Variants in CTNNA3 observed in about 807,000 individuals in gnomAD.
CTNNA3 encodes the protein catenin alpha-3.
In CTNNA3, 76 loss-of-function variants were observed where a neutral mutation model predicts 95.7. The ratio of observed to expected loss-of-function variants is 0.79; its 90% confidence interval spans 0.66 to 0.96. CTNNA3 has a LOEUF of 0.96. Ranked by LOEUF, CTNNA3 falls within the 40% of genes least tolerant of loss-of-function variation. The probability of loss-of-function intolerance (pLI) is 0.00; values close to 1 mark genes in which losing one functional copy is unlikely to be tolerated. For synonymous variants in CTNNA3, 431 were observed against 374.4 expected, an observed-to-expected ratio of 1.15 and a Z score of -1.74; for missense variants, 1,191 against 1,089.8, an observed-to-expected ratio of 1.09 and a Z score of -1.31.
At chr10:67,592,750 A>G (rs1842826934) in intron 3 of CTNNA3, among the ~76,000 whole-genome samples, 1 of 152,208 alleles carries the variant, frequency 6.6e-6, no homozygotes, top group Non-Finnish European at 1.5e-5. Context: ...AAGATAGAAT[A>G]CATATGACTA....
At chr10:66,866,480 T>C (rs1844183881) in intron 7 of CTNNA3, among the ~76,000 whole-genome samples, 1 of 152,212 alleles carries the variant, frequency 6.6e-6, no homozygotes, top group South Asian at 2.1e-4. Flanking sequence ...AATAAGTAAT[T>C]GTCTCCTCAT....
At chr10:67,739,360 T>C (rs1841321757) in intron 1 of CTNNA3, among the ~76,000 whole-genome samples, 1 of 152,092 alleles carries the variant, frequency 6.6e-6, no homozygotes, top group African/African-American at 2.4e-5. Context: ...AAAGAGGAAG[T>C]TAAATTGTCC....
intron 7 of CTNNA3, among the ~76,000 whole-genome samples, chr10:66,936,657 C>T (rs951506267): frequency 2.6e-5 from 4 of 152,098 alleles, no homozygotes; most frequent in Non-Finnish European, 1.5e-5. Flanking sequence ...AACTCTACAG[C>T]GCAATCTAGT....
intron 12 of CTNNA3, among the ~76,000 whole-genome samples, chr10:66,298,495 A>T (rs1044031996): frequency 2.6e-5 from 4 of 152,260 alleles, no homozygotes; most frequent in Non-Finnish European, 4.4e-5. Context: ...TAAAAAATAC[A>T]TTGCTAAAGA....
chr10:65,941,504 A>G (rs941199537), intron 17 of CTNNA3, among the ~76,000 whole-genome samples: 7 of 152,332 alleles, frequency 4.6e-5, no homozygotes, highest in African/African-American at 1.7e-4. Context: ...CCATGCAGAA[A>G]ATAAAGCCAG....
At chr10:66,068,192 C>T (rs1011541010) in intron 15 of CTNNA3, among the ~76,000 whole-genome samples, 1 of 151,924 alleles carries the variant, frequency 6.6e-6, no homozygotes, top group African/African-American at 2.4e-5. Context: ...ATTTGTCTGC[C>T]ATAACTTTTA....
intron 10 of CTNNA3, among the ~76,000 whole-genome samples, chr10:66,590,005 GA>G (rs1183507187): frequency 6.6e-6 from 1 of 151,924 alleles, no homozygotes; most frequent in Non-Finnish European, 1.5e-5. Flanking sequence ...AAAGGAGTAA[GA>G]TTTTTTGAAA....
chr10:67,438,524 C>T (rs965464510), intron 5 of CTNNA3, among the ~76,000 whole-genome samples: 2 of 152,106 alleles, frequency 1.3e-5, no homozygotes, highest in Admixed American at 6.6e-5. Flanking sequence ...TCCCTAAAGC[C>T]GGAATACCAA....
intron 7 of CTNNA3, among the ~76,000 whole-genome samples, chr10:67,034,967 A>C (rs1350058079): frequency 6.6e-6 from 1 of 152,166 alleles, no homozygotes; most frequent in African/African-American, 2.4e-5. Flanking sequence ...CTATGTCTAT[A>C]CTAGGAACTC....
At chr10:66,072,172 C>T (rs906021310) in intron 14 of CTNNA3, among the ~76,000 whole-genome samples, 1 of 152,164 alleles carries the variant, frequency 6.6e-6, no homozygotes, top group East Asian at 1.9e-4. Flanking sequence ...ATAATTTTCA[C>T]ATGCCACAAA....
At chr10:66,143,190 T>C (rs1302596206) in intron 13 of CTNNA3, among the ~76,000 whole-genome samples, 1 of 152,096 alleles carries the variant, frequency 6.6e-6, no homozygotes, top group Non-Finnish European at 1.5e-5. Context: ...TTGGAATACA[T>C]ATGCATTATT....
At chr10:67,085,672 C>A (rs1271186158) in intron 7 of CTNNA3, among the ~76,000 whole-genome samples, 2 of 151,952 alleles carry the variant, frequency 1.3e-5, no homozygotes, top group African/African-American at 4.8e-5. Context: ...CATATTAGCT[C>A]ATCCCTTATT....
At chr10:67,127,207 C>CTAG (rs1464504639) in intron 7 of CTNNA3, among the ~76,000 whole-genome samples, 1 of 152,128 alleles carries the variant, frequency 6.6e-6, no homozygotes, top group Non-Finnish European at 1.5e-5. Flanking sequence ...TCTATCCTAT[C>CTAG]TAGTTCTATT....
intron 9 of CTNNA3, among the ~76,000 whole-genome samples, chr10:66,691,281 T>C (rs1847525415): frequency 1.3e-5 from 2 of 152,096 alleles, no homozygotes; most frequent in Admixed American, 1.3e-4. Flanking sequence ...CTGATGGGCT[T>C]AAAAAACGGC....
At chr10:66,378,066 T>G (rs946271691) in intron 12 of CTNNA3, among the ~76,000 whole-genome samples, 4 of 152,146 alleles carry the variant, frequency 2.6e-5, no homozygotes, top group Non-Finnish European at 4.4e-5. Flanking sequence ...ACAGCAAAAC[T>G]GATCATCAAT....
In CTNNA3 at chr10:67,620,903, A is replaced by ATGTG. The variant is rs1244995621; in HGVS notation, c.100-13858_100-13855dup. Among the ~76,000 whole-genome samples, 399 of 126,312 alleles carry ATGTG rather than the reference A, an allele frequency of 3.2e-3. 6 individuals carry two copies. Among genetic ancestry groups the ATGTG allele is most frequent in the African/African-American group, 0.011 (340 of 30,464 alleles). 82.9% of individuals were successfully genotyped at this position (126,312 alleles called of 152,430 possible). A position where few individuals can be genotyped will look rare whatever the true frequency, so the allele number is the denominator to read the frequency against. On this transcript the variant is annotated intron_variant, in intron 2 of 17. Transcript: ENST00000433211. ...CATATATATGTGTATATATATGTATATGTGTGTGTGTGTGTGTGTGTATAT... is the reference window on the plus strand; with the variant it reads ...CATATATATGTGTATATATATGTATATGTGTGTGTGTGTGTGTGTGTGTGTATAT...
chr10:67,009,903 ACTC>A (rs776620359), intron 7 of CTNNA3, among the ~76,000 whole-genome samples: 3 of 151,642 alleles, frequency 2.0e-5, no homozygotes, highest in Non-Finnish European at 4.4e-5. Context: ...TTCCTTCTTC[ACTC>A]CTCTTCATCT....
intron 7 of CTNNA3, among the ~76,000 whole-genome samples, chr10:67,059,275 C>A (rs1424444471): frequency 6.6e-6 from 1 of 152,052 alleles, no homozygotes; most frequent in Admixed American, 6.6e-5. Flanking sequence ...TTTGAATTAG[C>A]TAAATGAATT....
At position 66,411,484 on chromosome 10, in the gene CTNNA3, T is replaced by A. The variant is rs1020121214; in HGVS notation, c.1532-32132A>T. On this transcript the variant is annotated intron_variant, in intron 11 of 17. Transcript: ENST00000433211. ...ATTGTCAATATAGTAATTATGAATA[T>A]GATAATTACCATGAGGTAATTTTTT... Among the ~76,000 whole-genome samples the A allele has an allele frequency of 2.0e-5, 3 of 152,098 alleles. No homozygotes were observed. The South Asian group carries it at 6.2e-4, about 32-fold the overall frequency.
Sources: gnomAD v4.1 joint callset for allele counts (sites outside exome capture counted in the v4.1 genomes callset) on GRCh38, gnomAD v4.1.1 for gene constraint, MANE v1.5 for transcripts, NCBI Gene and HGNC (gene_info 2026-07-23, HGNC 2026-07-21) for gene names.